The following VIPR2 variants were observed in gnomAD, a reference collection of about 807,000 sequenced individuals.
VIPR2 encodes the protein vasoactive intestinal polypeptide receptor 2.
A neutral mutation model predicts 58.0 loss-of-function variants in VIPR2; 48 were observed. The observed-to-expected ratio is 0.83, with a 90% CI of 0.66 to 1.05. The LOEUF (loss-of-function observed/expected upper bound fraction) is 1.05. VIPR2 is among the 50% of genes least tolerant of loss of function. VIPR2 has a pLI of 0.00. For missense variants in VIPR2, 534 were observed against 558.0 expected (o/e 0.96, Z 0.43); for synonymous variants, 243 against 235.2 (o/e 1.03, Z -0.30).
In VIPR2 at chr7:159,144,762, G is replaced by T; in HGVS notation, c.10C>A (p.Leu4Met). The change falls in exon 1 of 13, where the codon CTG (leucine) becomes ATG (methionine). Residue 4 changes from leucine (L) to methionine (M), a missense_variant. By Grantham distance (15) the Leu-to-Met change is conservative. Transcript: ENST00000262178. ...CAGGTCAGCAGCGCGGGAGGCAGCA[G>T]CGTCCGCATCCCGAGCTCAGCGTGC... is the stretch of plus-strand genomic sequence containing the variant. MRT[L>M]LPPALLTCWL... 1 of 1,267,322 alleles carries T rather than the reference G, an allele frequency of 7.9e-7. No individual in the cohort carries two copies. Among genetic ancestry groups the T allele is most frequent in the South Asian group, 3.0e-5 (1 of 32,930 alleles). The allele number at this position is 1,267,322 out of a possible 1,614,324, so 78.5% of individuals were successfully genotyped here. A position where few individuals can be genotyped will look rare whatever the true frequency, so the allele number is the denominator to read the frequency against.
intron 4 of VIPR2, among the ~76,000 whole-genome samples, chr7:159,086,496 T>G (rs1428682873): frequency 1.3e-5 from 2 of 152,186 alleles, no homozygotes; most frequent in Non-Finnish European, 2.9e-5. Flanking sequence ...ACCTGCCACA[T>G]GGGTTTGCCC....
intron 2 of VIPR2, among the ~76,000 whole-genome samples, chr7:159,141,495 A>T (rs1333335520): frequency 6.6e-6 from 1 of 152,248 alleles, no homozygotes; most frequent in African/African-American, 2.4e-5. Context: ...TGGACCTTGA[A>T]ATGGGGCCCA....
chr7:159,106,766 C>T, intron 3 of VIPR2, among the ~76,000 whole-genome samples: 1 of 100,730 alleles, frequency 9.9e-6, no homozygotes, highest in South Asian at 3.5e-4. Flanking sequence ...TGGGTAGGGG[C>T]AGAGAGGCCG....
At chr7:159,117,308 A>G (rs934951200) in intron 2 of VIPR2, 1 of 717,352 alleles carries the variant, frequency 1.4e-6, no homozygotes, top group African/African-American at 1.7e-5. Context: ...TGATTTTGTA[A>G]TTATAAAAGC....
At chr7:159,121,090 G>A (rs565553561) in intron 2 of VIPR2, among the ~76,000 whole-genome samples, 46 of 152,222 alleles carry the variant, frequency 3.0e-4, no homozygotes, top group Non-Finnish European at 5.1e-4. Flanking sequence ...GAGGGGAGGC[G>A]TCTCCCTCCC....
rs1029511202 is a variant in VIPR2, at chr7:159,030,273, G to A, written c.*343C>T. ...CAGGAGAATGGCGTGAACCCGGGAG[G>A]CGGAGCTTGCAGGGAGCAGAGATCA... On this transcript the variant is annotated 3_prime_UTR_variant, in exon 13 of 13. Transcript: ENST00000262178. The A allele has an allele frequency of 2.8e-5, 7 of 246,092 alleles. No individual in the cohort carries two copies. The highest frequency in any genetic ancestry group is 2.3e-4 in the Admixed American group (4 of 17,602). 15.2% of individuals were successfully genotyped at this position (246,092 alleles called of 1,614,324 possible).
At chr7:159,060,346 C>A (rs57360306) in intron 4 of VIPR2, among the ~76,000 whole-genome samples, 1,599 of 151,172 alleles carry the variant, frequency 0.011, 30 homozygotes, top group African/African-American at 0.036. Flanking sequence ...CTCATCCAAC[C>A]ACCATTCTCA....
At chr7:159,038,339 G>A (rs1854104085) in intron 6 of VIPR2, among the ~76,000 whole-genome samples, 1 of 152,160 alleles carries the variant, frequency 6.6e-6, no homozygotes, top group Non-Finnish European at 1.5e-5. Context: ...CTGCACAGGT[G>A]AGAGTTACCC....
intron 4 of VIPR2, among the ~76,000 whole-genome samples, chr7:159,088,712 C>T (rs375031101): frequency 5.3e-5 from 8 of 152,248 alleles, no homozygotes; most frequent in South Asian, 2.1e-4. Flanking sequence ...GGTGGCAGCA[C>T]GGCCTGCACC....
chr7:159,084,252 G>A (rs967943167), intron 4 of VIPR2, among the ~76,000 whole-genome samples: 2 of 152,258 alleles, frequency 1.3e-5, no homozygotes, highest in African/African-American at 4.8e-5. Flanking sequence ...GTGGACTCTT[G>A]GCAGGCCGCA....
chr7:159,132,996 G>GACTCCAAAA (rs1797033034), intron 2 of VIPR2, among the ~76,000 whole-genome samples: 1 of 147,622 alleles, frequency 6.8e-6, no homozygotes, highest in Non-Finnish European at 1.5e-5. Flanking sequence ...TAGACAGAAT[G>GACTCCAAAA]ATTGGCATAC....
At chr7:159,119,914 A>G (rs73730170) in intron 2 of VIPR2, among the ~76,000 whole-genome samples, 3,869 of 148,910 alleles carry the variant, frequency 0.026, 179 homozygotes, top group African/African-American at 0.089. Flanking sequence ...CTTGATGCAC[A>G]AAGCCTGGTA....
chr7:159,036,320 C>T (rs1853952918), intron 7 of VIPR2, among the ~76,000 whole-genome samples: 1 of 152,174 alleles, frequency 6.6e-6, no homozygotes. Flanking sequence ...TTTGCGACCA[C>T]CCACGGAGCT....
rs529250112 is a variant in VIPR2 at position 159,095,532 on chromosome 7, G to C, written c.357+8225C>G. Among the ~76,000 whole-genome samples, 1 of 152,140 alleles carries C rather than the reference G, an allele frequency of 6.6e-6. No individual in the cohort carries two copies. Among genetic ancestry groups the C allele is most frequent in the African/African-American group, 2.4e-5 (1 of 41,434 alleles). ...GGCAAAGCACGTATAAATTTAAGTG[G>C]TTTTTTTAGTACTTAAAATTTGATT... On this transcript the variant is annotated intron_variant, in intron 4 of 12. Coordinates refer to ENST00000262178, the MANE Select transcript of VIPR2 (RefSeq NM_003382.5). The surrounding 1 kb of genome is among the most constrained non-coding windows in gnomAD (Gnocchi z 5.2).
intron 4 of VIPR2, among the ~76,000 whole-genome samples, chr7:159,102,348 T>TGCC (rs1418781765): frequency 6.6e-6 from 1 of 152,326 alleles, no homozygotes; most frequent in African/African-American, 2.4e-5. Flanking sequence ...ATGTAGGATG[T>TGCC]GCCTTGCACC....
intron 4 of VIPR2, among the ~76,000 whole-genome samples, chr7:159,066,366 A>G (rs1408583973): frequency 7.4e-6 from 1 of 135,600 alleles, no homozygotes; most frequent in African/African-American, 3.0e-5. Context: ...GCCTGTTCCC[A>G]CACCATCCGT....
chr7:159,139,821 G>A (rs1797389403), intron 2 of VIPR2, among the ~76,000 whole-genome samples: 2 of 152,252 alleles, frequency 1.3e-5, no homozygotes, highest in African/African-American at 4.8e-5. Context: ...CCTGTGCCTA[G>A]GCAGGAAGCC....
chr7:159,062,165 C>T (rs1045765995), intron 4 of VIPR2, among the ~76,000 whole-genome samples: 13 of 152,130 alleles, frequency 8.5e-5, no homozygotes, highest in East Asian at 3.9e-4. Flanking sequence ...GCCTTCCCGA[C>T]GGAGACGGGA....
Position 159,031,210 on chromosome 7 carries a change from G to A in VIPR2, c.1144-421C>T, listed in dbSNP as rs149511382. Among the ~76,000 whole-genome samples, 24 of 152,298 alleles carry A rather than the reference G, an allele frequency of 1.6e-4. No individual in the cohort carries two copies. In the East Asian group the frequency reaches 4.4e-3, roughly 28 times the overall value. On this transcript the variant is annotated intron_variant, in intron 12 of 12. Coordinates refer to ENST00000262178, the MANE Select transcript of VIPR2 (RefSeq NM_003382.5). The surrounding 1 kb of genome is among the most constrained non-coding windows in gnomAD (Gnocchi z 4.0). Reference sequence around the variant, plus strand: ...GGGGATGAGTGAGGGGTGCCCGGACGGCAGAGGAGGGAGGAGGACAAGTGG... The same window carrying A: ...GGGGATGAGTGAGGGGTGCCCGGACAGCAGAGGAGGGAGGAGGACAAGTGG...
Sources: gnomAD v4.1 joint callset for allele counts (sites outside exome capture counted in the v4.1 genomes callset) on GRCh38, gnomAD v4.1.1 for gene constraint, Gnocchi (gnomAD v3.1) non-coding constraint, MANE v1.5 for transcripts, NCBI Gene and HGNC (gene_info 2026-07-23, HGNC 2026-07-21) for gene names.